PRTFDC1: variants seen among roughly 807,000 people sequenced by gnomAD.
PRTFDC1 encodes phosphoribosyl transferase domain containing 1.
A neutral mutation model predicts 34.6 loss-of-function variants in PRTFDC1; 38 were observed. That is an observed-to-expected ratio of 1.10 (90% CI 0.85 to 1.44). The LOEUF (loss-of-function observed/expected upper bound fraction) is 1.44. Ranked by LOEUF, PRTFDC1 falls within the 40% of genes most tolerant of loss-of-function variation. The pLI, the probability that PRTFDC1 is intolerant of heterozygous loss-of-function variation, is 0.00. For missense variants in PRTFDC1, 270 were observed against 283.0 expected (o/e 0.95, Z 0.33); for synonymous variants, 93 against 98.1 (o/e 0.95, Z 0.31).
chr10:24,901,841 ACT>A (rs985541742), intron 3 of PRTFDC1, among the ~76,000 whole-genome samples: 10 of 152,320 alleles, frequency 6.6e-5, no homozygotes, highest in Admixed American at 2.6e-4. Context: ...GTGTTGGCTC[ACT>A]CTGCATTTGC....
At chr10:24,938,043 T>C (rs895290827) in intron 2 of PRTFDC1, among the ~76,000 whole-genome samples, 2 of 151,508 alleles carry the variant, frequency 1.3e-5, no homozygotes, top group Non-Finnish European at 2.9e-5. Context: ...CTGGCCAACG[T>C]GGTGAAACCC....
chr10:24,909,996 CA>C (rs35102911), intron 3 of PRTFDC1, among the ~76,000 whole-genome samples: 57,595 of 134,852 alleles, frequency 0.43, 11,486 homozygotes, highest in Non-Finnish European at 0.47. Flanking sequence ...ATTAAAAATA[CA>C]AAAAAAAAAA....
chr10:24,934,670 A>T (rs1327324429), intron 3 of PRTFDC1, among the ~76,000 whole-genome samples: 1 of 152,176 alleles, frequency 6.6e-6, no homozygotes, highest in Non-Finnish European at 1.5e-5. Context: ...ATGATCTGGA[A>T]GCTGCCGCTT....
At chr10:24,938,490 G>A (rs1849091885) in intron 2 of PRTFDC1, among the ~76,000 whole-genome samples, 1 of 152,204 alleles carries the variant, frequency 6.6e-6, no homozygotes, top group African/African-American at 2.4e-5. Context: ...CAGCTCTGTT[G>A]TTCAAACAGG....
At chr10:24,865,724 T>C (rs557828328) in intron 4 of PRTFDC1, among the ~76,000 whole-genome samples, 3 of 152,318 alleles carry the variant, frequency 2.0e-5, no homozygotes, top group African/African-American at 7.2e-5. Flanking sequence ...CTTCTAGTAT[T>C]TTAGAGCACA....
intron 1 of PRTFDC1, among the ~76,000 whole-genome samples, chr10:24,948,438 T>C (rs1318572667): frequency 6.6e-6 from 1 of 152,212 alleles, no homozygotes; most frequent in Non-Finnish European, 1.5e-5. Context: ...AAGCCAACTC[T>C]GAGCAAAATT....
At chr10:24,855,158 G>T (rs1002613) in intron 7 of PRTFDC1, among the ~76,000 whole-genome samples, 160 bp downstream of exon 7, 4,218 of 152,246 alleles carry the variant, frequency 0.028, 188 homozygotes, top group African/African-American at 0.092. Context: ...CTATCAAGGT[G>T]GGGGAGATCA....
chr10:24,904,766 GCCC>G (rs1848505803), intron 3 of PRTFDC1, among the ~76,000 whole-genome samples: 2 of 152,138 alleles, frequency 1.3e-5, no homozygotes, highest in African/African-American at 4.8e-5. Flanking sequence ...CTGTCCATGT[GCCC>G]CTCTTCACCA....
chr10:24,881,928 G>A (rs937762625), intron 3 of PRTFDC1, among the ~76,000 whole-genome samples: 4 of 151,846 alleles, frequency 2.6e-5, no homozygotes, highest in East Asian at 1.9e-4. Context: ...CTCAGTTTGC[G>A]GGGCACGGTG....
At chr10:24,893,256 T>TTC (rs113269444) in intron 3 of PRTFDC1, among the ~76,000 whole-genome samples, 73,075 of 150,826 alleles carry the variant, frequency 0.48, 18,107 homozygotes, top group African/African-American at 0.6. Context: ...GATTCTTTTG[T>TTC]TCTCTCTCTC....
chr10:24,907,392 C>G lies in PRTFDC1; in HGVS notation c.339+29792G>C, dbSNP rs1198285252. On this transcript the variant is annotated intron_variant, in intron 3 of 8. Coordinates refer to ENST00000320152, the MANE Select transcript of PRTFDC1 (RefSeq NM_020200.7). ...GGTGGATCACTTGAGGTCAGGAGTT[C>G]GAGACCAGCATGGTCAACATGGTGA... is the stretch of plus-strand genomic sequence containing the variant. Among the ~76,000 whole-genome samples, 7 of 151,690 alleles carry G rather than the reference C, an allele frequency of 4.6e-5. No homozygotes were observed. The South Asian group carries it at 1.5e-3, about 32-fold the overall frequency.
intron 3 of PRTFDC1, among the ~76,000 whole-genome samples, chr10:24,889,171 G>C (rs1026907096): frequency 3.3e-5 from 5 of 152,192 alleles, no homozygotes; most frequent in African/African-American, 9.6e-5. Context: ...CAAAGAGCTT[G>C]CTTGCCCCTT....
In PRTFDC1 at chr10:24,933,663, G is replaced by T. The variant is rs551227614; in HGVS notation, c.339+3521C>A. ...ACATATGCTGGTGGGAATTCAAAAT[G>T]ATTCAATCCTTTGGGAAAAGAGTTT... On this transcript the variant is annotated intron_variant, in intron 3 of 8. Coordinates refer to ENST00000320152, the MANE Select transcript of PRTFDC1 (RefSeq NM_020200.7). Among the ~76,000 whole-genome samples, 31 of 150,172 alleles carry T rather than the reference G, an allele frequency of 2.1e-4. 1 individual carries two copies. The South Asian group carries it at 6.5e-3, about 32-fold the overall frequency.
intron 4 of PRTFDC1, among the ~76,000 whole-genome samples, chr10:24,861,339 A>T (rs558185017): frequency 1.3e-5 from 2 of 152,162 alleles, no homozygotes; most frequent in African/African-American, 4.8e-5. Context: ...CTTCTGTACC[A>T]AAAAATATAA....
chr10:24,911,955 A>G (rs1848632716), intron 3 of PRTFDC1, among the ~76,000 whole-genome samples: 1 of 151,980 alleles, frequency 6.6e-6, no homozygotes, highest in African/African-American at 2.4e-5. Flanking sequence ...GATCACATTG[A>G]TAAGTGTGGG....
chr10:24,889,655 G>A (rs1848228210), intron 3 of PRTFDC1, among the ~76,000 whole-genome samples: 1 of 152,232 alleles, frequency 6.6e-6, no homozygotes, highest in Non-Finnish European at 1.5e-5. Context: ...TAAGGTCTTT[G>A]TTCAGACTTC....
chr10:24,857,121 A>T, intron 5 of PRTFDC1, 126 bp from the exon 6 acceptor site: 1 of 800,948 alleles, frequency 1.2e-6, no homozygotes, highest in Non-Finnish European at 2.1e-6. Context: ...TTGGAGCCAC[A>T]GTAGGAGGAA....
chr10:24,905,384 C>T (rs952864962), intron 3 of PRTFDC1, among the ~76,000 whole-genome samples: 82 of 143,520 alleles, frequency 5.7e-4, no homozygotes, highest in African/African-American at 2.1e-3. Flanking sequence ...TGCAGTGACA[C>T]GATCTCGGCT....
intron 3 of PRTFDC1, among the ~76,000 whole-genome samples, chr10:24,877,529 TG>T (rs1341150309): frequency 6.6e-6 from 1 of 152,248 alleles, no homozygotes; most frequent in Non-Finnish European, 1.5e-5. Flanking sequence ...GCTAGCTTCA[TG>T]TAATAAGTTG....
Sources: allele counts gnomAD v4.1 joint callset (sites outside exome capture counted in the v4.1 genomes callset), GRCh38; gene constraint gnomAD v4.1.1; transcripts MANE v1.5; gene names NCBI Gene and HGNC (gene_info 2026-07-23, HGNC 2026-07-21).